Variants in SF3B3 observed in about 807,000 individuals in gnomAD.
The protein encoded by SF3B3 is splicing factor 3b subunit 3, also known as SAP 130.
Under a neutral mutation model 139.2 loss-of-function variants are expected in SF3B3, and 33 were observed. That is an observed-to-expected ratio of 0.24 (90% CI 0.18 to 0.32). The LOEUF is 0.32. SF3B3 is among the 10% of genes least tolerant of loss of function. SF3B3 has a pLI of 1.00. For missense variants in SF3B3, 818 were observed against 1,509.4 expected, an observed-to-expected ratio of 0.54 and a Z score of 7.59; for synonymous variants, 596 against 563.6, an observed-to-expected ratio of 1.06 and a Z score of -0.81.
chr16:70,533,541 C>G (rs1460850300), intron 5 of SF3B3, among the ~76,000 whole-genome samples: 16 of 152,076 alleles, frequency 1.1e-4, no homozygotes, highest in Admixed American at 1.0e-3. Flanking sequence ...ATGCACATAG[C>G]TAAGTAACGT....
intron 2 of SF3B3, chr16:70,527,146 T>C (rs543060337): frequency 6.0e-6 from 1 of 166,388 alleles, no homozygotes; most frequent in Non-Finnish European, 1.3e-5. Flanking sequence ...CTTGAAGAGA[T>C]AGAACTTTTG....
Position 70,554,621 on chromosome 16 carries a change from A to G in SF3B3, c.1554+24A>G, listed in dbSNP as rs776948293. ...AGGTGAGGGTTCTCAGAGCTTACCT[A>G]CTTGGCCTGCTTTGTTCTTTCTTGG... On this transcript the variant is annotated intron_variant, in intron 12 of 25. Transcript: ENST00000302516. The G allele has an allele frequency of 3.4e-5, 55 of 1,613,054 alleles. No homozygotes were observed. In the South Asian group the frequency reaches 5.6e-4, roughly 16 times the overall value.
rs927037509 is a variant in SF3B3, at chr16:70,576,753, A to G, written c.*4940A>G. 2 of 152,210 alleles carry G rather than the reference A, an allele frequency of 1.3e-5. No individual in the cohort carries two copies. The highest frequency in any genetic ancestry group is 2.4e-5 in the African/African-American group (1 of 41,450). The allele number at this position is 152,210 out of a possible 1,614,324, so 9.4% of individuals were successfully genotyped here. A position where few individuals can be genotyped will look rare whatever the true frequency, so the allele number is the denominator to read the frequency against. ...AAGAGGCAGCAAAGTCCATGAAGAG[A>G]GCACTGTATACAGTCAGATGACCTG... On this transcript the variant is annotated 3_prime_UTR_variant, in exon 26 of 26. Transcript: ENST00000302516.
chr16:70,536,803 CTTTCTTT>C (rs2050172624), intron 6 of SF3B3, among the ~76,000 whole-genome samples: 2 of 128,026 alleles, frequency 1.6e-5, no homozygotes, highest in Admixed American at 8.2e-5. Context: ...GGCTAATTTT[CTTTCTTT>C]TTTTTTTTTT....
intron 15 of SF3B3, among the ~76,000 whole-genome samples, chr16:70,559,861 C>T (rs1313212783): frequency 6.6e-6 from 1 of 151,820 alleles, no homozygotes; most frequent in Non-Finnish European, 1.5e-5. Context: ...CCTTGGCTTC[C>T]ACAGTGCTGT....
Position 70,573,543 on chromosome 16 carries a change from G to T in SF3B3, c.*1730G>T, listed in dbSNP as rs904034867. The stretch of plus-strand genomic sequence containing the variant: ...TGCTTGTTCTCTGTTAAGAGGAAGG[G>T]CTAGGACAAGGATTTGGGCTTGAAT... On this transcript the variant is annotated 3_prime_UTR_variant, in exon 26 of 26. Transcript: ENST00000302516. 6.6e-6 allele frequency: 1 copy of T among 152,232 alleles called. No homozygotes were observed. Among genetic ancestry groups the T allele is most frequent in the African/African-American group, 2.4e-5 (1 of 41,464 alleles). 9.4% of individuals were successfully genotyped at this position (152,232 alleles called of 1,614,324 possible).
rs776115986 is a variant in SF3B3 at position 70,530,936 on chromosome 16, C to G, written c.570+19C>G. 5.1e-6 allele frequency: 8 copies of G among 1,580,388 alleles called. No individual in the cohort carries two copies. In the African/African-American group the frequency reaches 9.6e-5, roughly 19 times the overall value. ...TTATGAGGTAATGGGGACCCTGTCT[C>G]TTTGCGTTTCTTTCAGTCACCTCAG... On this transcript the variant is annotated intron_variant, in intron 4 of 25. Transcript: ENST00000302516.
rs947322967 is a variant in SF3B3, at chr16:70,530,853, A to G, written c.506A>G (p.His169Arg). 1.9e-6 allele frequency: 3 copies of G among 1,613,998 alleles called. No individual in the cohort carries two copies. Among genetic ancestry groups the G allele is most frequent in the Admixed American group, 1.7e-5 (1 of 59,992 alleles). The change falls in exon 4 of 26, where the codon CAT becomes CGT. Residue 169 changes from histidine to arginine, a missense_variant. His to Arg is a conservative substitution (Grantham distance 29). Coordinates refer to ENST00000302516, the MANE Select transcript of SF3B3 (RefSeq NM_012426.5). The stretch of plus-strand genomic sequence containing the variant: ...CACAAAGCAAACACTTTAGTGTATC[A>G]TGTAGTTGGAGTAGATGTCGGATTT... ...EAHKANTLVYHVVGVDVGFEN... is the reference protein window; with the variant it reads ...EAHKANTLVYRVVGVDVGFEN...
At chr16:70,562,014 A>C (rs2050433517) in intron 17 of SF3B3, among the ~76,000 whole-genome samples, 1 of 152,390 alleles carries the variant, frequency 6.6e-6, no homozygotes, top group East Asian at 1.9e-4. Flanking sequence ...GCTTTAATAC[A>C]GTCCAATCTT....
At chr16:70,542,691 A>C (rs2050230484) in intron 9 of SF3B3, among the ~76,000 whole-genome samples, 1 of 152,018 alleles carries the variant, frequency 6.6e-6, no homozygotes, top group South Asian at 2.1e-4. Flanking sequence ...GCAACAGAAA[A>C]TAAATGTGAC....
At chr16:70,552,720 C>A (rs974742926) in intron 11 of SF3B3, among the ~76,000 whole-genome samples, 1 of 152,138 alleles carries the variant, frequency 6.6e-6, no homozygotes, top group Non-Finnish European at 1.5e-5. Context: ...TTTCAGCCAC[C>A]ACAGTAGGTA....
At chr16:70,560,110 G>A (rs188330526) in intron 15 of SF3B3, among the ~76,000 whole-genome samples, 6 of 152,200 alleles carry the variant, frequency 3.9e-5, no homozygotes, top group Non-Finnish European at 8.8e-5. Context: ...TAGGAACCTT[G>A]TTCCTTTAAG....
At chr16:70,546,260 C>T (rs908302516) in intron 10 of SF3B3, among the ~76,000 whole-genome samples, 1 of 152,204 alleles carries the variant, frequency 6.6e-6, no homozygotes, top group Admixed American at 6.5e-5. Flanking sequence ...CGTGAGCCAC[C>T]GCGCCTGGCC....
At chr16:70,549,921 T>A (rs1259466035) in intron 11 of SF3B3, among the ~76,000 whole-genome samples, 3 of 152,142 alleles carry the variant, frequency 2.0e-5, no homozygotes, top group African/African-American at 7.2e-5. Context: ...CGAGACTCCA[T>A]GTCAAAAAAA....
chr16:70,553,015 A>G (rs180894136), intron 11 of SF3B3, among the ~76,000 whole-genome samples: 19 of 152,258 alleles, frequency 1.2e-4, no homozygotes, highest in East Asian at 3.9e-4. Flanking sequence ...GGTTCAGGCA[A>G]TTCTGCTCAG....
intron 9 of SF3B3, 129 bp downstream of exon 9, chr16:70,541,963 G>T: frequency 1.3e-6 from 1 of 791,598 alleles, no homozygotes; most frequent in Non-Finnish European, 1.9e-6. Flanking sequence ...AGAAGTTTGA[G>T]CACAAAAAAC....
rs1359524266 is a variant in SF3B3 at position 70,557,208 on chromosome 16, GAGAA to G, written c.2010+185_2010+188del. Among the ~76,000 whole-genome samples the G allele has an allele frequency of 9.2e-5, 14 of 152,326 alleles. 1 individual carries two copies. Among genetic ancestry groups the G allele is most frequent in the Admixed American group, 2.0e-4 (3 of 15,300 alleles). On this transcript the variant is annotated intron_variant, in intron 15 of 25. Coordinates refer to ENST00000302516, the MANE Select transcript of SF3B3 (RefSeq NM_012426.5). ...CTCTTTAATTCGAACAAATCAGGCT[GAGAA>G]AGAAATATTTTGATAAAGAGTCTTC...
chr16:70,556,419 G>A, intron 14 of SF3B3, 85 bp downstream of exon 14: 1 of 1,455,540 alleles, frequency 6.9e-7, no homozygotes, highest in Non-Finnish European at 9.6e-7. Context: ...ATCCACTCCT[G>A]ATGTCTATCT....
chr16:70,559,178 T>C (rs76269524), intron 15 of SF3B3, among the ~76,000 whole-genome samples: 4,924 of 152,278 alleles, frequency 0.032, 296 homozygotes, highest in African/African-American at 0.11. Flanking sequence ...ATTCTTTCAT[T>C]AGTGGTTGGA....
Sources: gnomAD v4.1 joint callset for allele counts (sites outside exome capture counted in the v4.1 genomes callset) on GRCh38, gnomAD v4.1.1 for gene constraint, MANE v1.5 for transcripts, NCBI Gene and HGNC (gene_info 2026-07-23, HGNC 2026-07-21) for gene names.